FLCN: variants seen among roughly 807,000 people sequenced by gnomAD.
The protein encoded by FLCN is BHD skin lesion fibrofolliculoma protein.
Under a neutral mutation model 62.5 loss-of-function variants are expected in FLCN, and 22 were observed. The ratio of observed to expected loss-of-function variants is 0.35; its 90% CI spans 0.25 to 0.50. The LOEUF (loss-of-function observed/expected upper bound fraction) is 0.50, where lower values mean the gene tolerates loss of function less well. Among genes scored for constraint, FLCN ranks in the 20% least tolerant of loss-of-function variants. The pLI is 0.97. For synonymous variants in FLCN, 319 were observed against 310.0 expected (o/e 1.03, Z -0.30); for missense variants, 657 against 778.0 (o/e 0.84, Z 1.85).
intron 3 of FLCN, chr17:17,229,419 T>C (rs1326088592): frequency 1.5e-5 from 2 of 136,956 alleles, no homozygotes; most frequent in South Asian, 2.3e-4. Context: ...CTGAAGGACA[T>C]TACACGAAAT....
intron 9 of FLCN, among the ~76,000 whole-genome samples, chr17:17,217,877 C>T (rs1376069232): frequency 6.6e-6 from 1 of 152,174 alleles, no homozygotes; most frequent in Non-Finnish European, 1.5e-5. Context: ...GGCCACAATA[C>T]TATGTCTCAC....
intron 4 of FLCN, among the ~76,000 whole-genome samples, chr17:17,227,522 T>C (rs8072432): frequency 0.027 from 4,047 of 152,250 alleles, 192 homozygotes; most frequent in African/African-American, 0.092. Flanking sequence ...AAGACCAGCC[T>C]GCCCAACATG....
rs374236806 is a variant in FLCN at position 17,233,796 on chromosome 17, T to C, written c.-227-895A>G. ...TGGAGTGCAATGGCGTGATCTCAGC[T>C]CACTGCAACCTCTGCCTCCCAGGTT... On this transcript the variant is annotated intron_variant, in intron 1 of 13. Transcript: ENST00000285071. 5.9e-5 allele frequency among the ~76,000 whole-genome samples: 8 copies of C among 136,136 alleles called. No homozygotes were observed. The East Asian group carries it at 2.0e-3, about 35-fold the overall frequency. The allele number at this position is 136,136 out of a possible 152,430, so 89.3% of individuals were successfully genotyped here. A position where few individuals can be genotyped will look rare whatever the true frequency, so the allele number is the denominator to read the frequency against.
At position 17,216,588 on chromosome 17, in the gene FLCN, C is replaced by A; in HGVS notation, c.1177-85G>T. 1.3e-6 allele frequency: 2 copies of A among 1,586,280 alleles called. No homozygotes were observed. On this transcript the variant is annotated intron_variant, in intron 10 of 13. Coordinates refer to ENST00000285071, the MANE Select transcript of FLCN (RefSeq NM_144997.7). The surrounding 1 kb of genome is among the most constrained non-coding windows in gnomAD (Gnocchi z 4.0). ...CATGCTCTACTACCCAAACCCCACACGCCTCCTGCAGCCCGGTCCAAGCCC... is the reference window on the plus strand; with the variant it reads ...CATGCTCTACTACCCAAACCCCACAAGCCTCCTGCAGCCCGGTCCAAGCCC...
chr17:17,221,061 G>T, intron 8 of FLCN: 1 of 931,602 alleles, frequency 1.1e-6, no homozygotes, highest in Non-Finnish European at 1.5e-6. Flanking sequence ...TGCACACAGT[G>T]CCACGATCCC....
In FLCN at chr17:17,227,903, A is replaced by C. The variant is rs779733014; in HGVS notation, c.235T>G (p.Ser79Ala). 6.2e-7 allele frequency: 1 copy of C among 1,613,922 alleles called. No homozygotes were observed. Among genetic ancestry groups the C allele is most frequent in the Non-Finnish European group, 8.5e-7 (1 of 1,180,014 alleles). ...AAGACACTTGCCTCGCACATGTCCGACTTTTTGGGCCCCGGGCTGCTGGAC... is the reference window on the plus strand; with the variant it reads ...AAGACACTTGCCTCGCACATGTCCGCCTTTTTGGGCCCCGGGCTGCTGGAC... ...VESSSPGPKK[S>A]DMCEGCRSLA... Residue 79 changes from serine to alanine, a missense_variant, in exon 4 of 14, where the codon TCG becomes GCG. Physicochemically the swap from Ser to Ala is moderately conservative, Grantham distance 99. Coordinates refer to ENST00000285071, the MANE Select transcript of FLCN (RefSeq NM_144997.7).
At chr17:17,224,925 G>A (rs966086999) in intron 5 of FLCN, 4 of 152,650 alleles carry the variant, frequency 2.6e-5, no homozygotes, top group Non-Finnish European at 4.4e-5. Flanking sequence ...CAGACATGCC[G>A]AGCTGCCTGC....
chr17:17,213,136 CT>C lies in FLCN; in HGVS notation c.*518del, dbSNP rs2046802154. ...AGATCCACTTCACTCCCCAAAGTCT[CT>C]TGCGGAGCCCTAACTCAATCACTCA... On this transcript the variant is annotated 3_prime_UTR_variant, in exon 14 of 14. Transcript: ENST00000285071. 3.5e-6 allele frequency: 1 copy of C among 288,448 alleles called. No homozygotes were observed. Among genetic ancestry groups the C allele is most frequent in the Admixed American group, 4.6e-5 (1 of 21,506 alleles). The allele number at this position is 288,448 out of a possible 1,614,324, so 17.9% of individuals were successfully genotyped here.
Position 17,221,502 on chromosome 17 carries a change from G to A in FLCN, c.871+35C>T, listed in dbSNP as rs370794931. 4.3e-5 allele frequency: 69 copies of A among 1,613,698 alleles called. No individual in the cohort carries two copies. Among genetic ancestry groups the A allele is most frequent in the Non-Finnish European group, 5.6e-5 (66 of 1,180,026 alleles). On this transcript the variant is annotated intron_variant, in intron 8 of 13. Transcript: ENST00000285071. ...AGCTGGTACCGCCCCACGGCCATCC[G>A]GGCCAAGGCCCCGGCAACAGCACCC... is the stretch of plus-strand genomic sequence containing the variant.
At position 17,215,303 on chromosome 17, in the gene FLCN, G is replaced by T. The variant is rs771247255; in HGVS notation, c.1314C>A (p.Ile438=). Residue 438 remains isoleucine (I), a synonymous_variant, in exon 12 of 14, where the codon ATC becomes ATA. Coordinates refer to ENST00000285071, the MANE Select transcript of FLCN (RefSeq NM_144997.7). The part of the protein sequence containing the change: ...PHVLSSEFAV[I]VEVHAAARST... ...AACGTGCGGCTGCGTGGACCTCCAC[G>T]ATGACAGCAAACTCTGTAACAACAC... 6 of 1,614,010 alleles carry T rather than the reference G, an allele frequency of 3.7e-6. No individual in the cohort carries two copies. In the South Asian group the frequency reaches 5.5e-5, roughly 15 times the overall value.
At position 17,226,117 on chromosome 17, in the gene FLCN, A is replaced by G. The variant is rs41525346; in HGVS notation, c.396+59T>C. 0.078 allele frequency: 125,155 copies of G among 1,605,736 alleles called. 5,372 individuals carry two copies. The highest frequency in any genetic ancestry group is 0.1 in the Admixed American group (6,164 of 58,916). ...TGCAATGCTGGCTCCGAGCCCACCC[A>G]GAGCACCTGGGAGCATGTGGGCTCC... On this transcript the variant is annotated intron_variant, in intron 5 of 13. Coordinates refer to ENST00000285071, the MANE Select transcript of FLCN (RefSeq NM_144997.7).
At chr17:17,234,167 C>T (rs1347979023) in intron 1 of FLCN, among the ~76,000 whole-genome samples, 2 of 151,894 alleles carry the variant, frequency 1.3e-5, no homozygotes, top group African/African-American at 2.4e-5. Flanking sequence ...CAAGCCACTT[C>T]CCAGCACCCA....
chr17:17,213,434 CT>C lies in FLCN; in HGVS notation c.*220del. On this transcript the variant is annotated 3_prime_UTR_variant, in exon 14 of 14. Coordinates refer to ENST00000285071, the MANE Select transcript of FLCN (RefSeq NM_144997.7). ...CAGAGAGAGCCCATCATCCCTCCGC[CT>C]TTCATTGCCATCTTCAGCGATTCCA... The C allele has an allele frequency of 1.6e-6, 1 of 634,220 alleles. No individual in the cohort carries two copies. Among genetic ancestry groups the C allele is most frequent in the Non-Finnish European group, 2.8e-6 (1 of 357,060 alleles). 39.3% of individuals were successfully genotyped at this position (634,220 alleles called of 1,614,324 possible).
chr17:17,219,982 G>A (rs1436425008), intron 8 of FLCN: 1 of 152,186 alleles, frequency 6.6e-6, no homozygotes, highest in East Asian at 1.9e-4. Context: ...CCAATAGAAA[G>A]CATTTCAGCC....
intron 8 of FLCN, 32 bp from the exon 9 acceptor site, chr17:17,219,241 T>C: frequency 3.1e-6 from 5 of 1,608,866 alleles, no homozygotes; most frequent in Non-Finnish European, 4.2e-6. Flanking sequence ...CAGTTACAGA[T>C]ACAAACAGTC....
At chr17:17,230,063 GAGA>G (rs2047374796) in intron 3 of FLCN, among the ~76,000 whole-genome samples, 2 of 152,346 alleles carry the variant, frequency 1.3e-5, no homozygotes, top group Middle Eastern at 3.4e-3. Context: ...CTCACTGGCA[GAGA>G]AGTTCTGGAA....
intron 5 of FLCN, chr17:17,225,915 A>G (rs553657363): frequency 1.6e-6 from 1 of 617,530 alleles, no homozygotes; most frequent in South Asian, 1.8e-5. Flanking sequence ...AATAATAAAG[A>G]AAGGACAAAT....
chr17:17,214,611 A>AAAAAT (rs933124315), intron 13 of FLCN, among the ~76,000 whole-genome samples: 1 of 152,152 alleles, frequency 6.6e-6, no homozygotes, highest in African/African-American at 2.4e-5. Context: ...AATAAAAAAT[A>AAAAAT]AAAATAAAAT....
At chr17:17,222,745 G>C in intron 6 of FLCN, 84 bp from the exon 7 acceptor site, 1 of 1,548,420 alleles carries the variant, frequency 6.5e-7, no homozygotes, top group Non-Finnish European at 8.9e-7. Context: ...CCAACTCCAG[G>C]ACCTGACTCC....
Sources: allele counts gnomAD v4.1 joint callset (sites outside exome capture counted in the v4.1 genomes callset), GRCh38; gene constraint gnomAD v4.1.1; non-coding constraint Gnocchi (gnomAD v3.1); transcripts MANE v1.5; gene names NCBI Gene and HGNC (gene_info 2026-07-23, HGNC 2026-07-21).